PFDN2: variants seen among roughly 807,000 people sequenced by gnomAD.
The protein encoded by PFDN2 is prefoldin 2.
In PFDN2, 7 loss-of-function variants were observed where a neutral mutation model predicts 18.3. The ratio of observed to expected loss-of-function variants is 0.38; its 90% confidence interval spans 0.22 to 0.72. PFDN2 has a LOEUF of 0.72. PFDN2 is among the 30% of genes least tolerant of loss of function. The probability of loss-of-function intolerance (pLI) is 0.47; values close to 1 mark genes in which losing one functional copy is unlikely to be tolerated. For missense variants in PFDN2, 181 were observed against 199.1 expected (o/e 0.91, Z 0.55); for synonymous variants, 76 against 75.0 (o/e 1.01, Z -0.07).
chr1:161,115,789 G>GA (rs1014729433), intron 1 of PFDN2, among the ~76,000 whole-genome samples: 8 of 152,142 alleles, frequency 5.3e-5, no homozygotes, highest in African/African-American at 1.7e-4. Context: ...ATAGGTATGA[G>GA]AAAAAACATA....
At chr1:161,116,015 G>T (rs116856562) in intron 1 of PFDN2, among the ~76,000 whole-genome samples, 2,830 of 152,234 alleles carry the variant, frequency 0.019, 36 homozygotes, top group African/African-American at 0.022. Flanking sequence ...CTGAGGCCAG[G>T]AGTTCAAGAC....
At chr1:161,105,462 TTTC>T (rs755641544) in intron 1 of PFDN2, among the ~76,000 whole-genome samples, 28 of 151,942 alleles carry the variant, frequency 1.8e-4, no homozygotes, top group Non-Finnish European at 7.4e-5. Context: ...TTTCTTTTCT[TTTC>T]TTTTTTTTTC....
chr1:161,105,924 G>A lies in PFDN2; in HGVS notation c.76-3549C>T, dbSNP rs1451242533. On this transcript the variant is annotated intron_variant, in intron 1 of 3. Transcript: ENST00000368010. Reference sequence around the variant, plus strand: ...AATTTCAGCCATAAGTGCACTTAAAGGAAATGAAATCTCTTAGCAGCTGAT... The same window carrying A: ...AATTTCAGCCATAAGTGCACTTAAAAGAAATGAAATCTCTTAGCAGCTGAT... 2.0e-5 allele frequency among the ~76,000 whole-genome samples: 3 copies of A among 152,154 alleles called. No homozygotes were observed. The East Asian group carries it at 5.8e-4, about 29-fold the overall frequency.
At chr1:161,108,082 T>C (rs1449210381) in intron 1 of PFDN2, among the ~76,000 whole-genome samples, 1 of 137,408 alleles carries the variant, frequency 7.3e-6, no homozygotes, top group Non-Finnish European at 1.5e-5. Context: ...ACCACTGCAC[T>C]CCAACCTAGG....
At position 161,117,984 on chromosome 1, in the gene PFDN2, C is replaced by G. The variant is rs758959211; in HGVS notation, c.43G>C (p.Gly15Arg). 9 of 1,612,764 alleles carry G rather than the reference C, an allele frequency of 5.6e-6. No individual in the cohort carries two copies. Among genetic ancestry groups the G allele is most frequent in the Non-Finnish European group, 6.8e-6 (8 of 1,179,558 alleles). ...GCGGACACCGCCCCCTTCCCCGCGC[C>G]GCTCCCGCTGCTCTTGCCGGCGCGA... ...SGRAGKSSGSGAGKGAVSAEQ... is the reference protein window; with the variant it reads ...SGRAGKSSGSRAGKGAVSAEQ... Residue 15 changes from glycine (G) to arginine (R), a missense_variant, in exon 1 of 4, where the codon GGC (glycine) becomes CGC (arginine). Coordinates refer to ENST00000368010, the MANE Select transcript of PFDN2 (RefSeq NM_012394.4).
Position 161,102,348 on chromosome 1 carries a change from G to T in PFDN2, c.103C>A (p.Gln35Lys). 6.2e-7 allele frequency: 1 copy of T among 1,614,140 alleles called. No homozygotes were observed. Among genetic ancestry groups the T allele is most frequent in the Non-Finnish European group, 8.5e-7 (1 of 1,179,984 alleles). The part of the protein sequence containing the change: ...QVIAGFNRLR[Q>K]EQRGLASKAA... ...TTGGATGCCAGGCCTCGCTGTTCCT[G>T]CCGAAGGCGGTTGAAGCCAGCAATC... Residue 35 changes from glutamine to lysine, a missense_variant, in exon 2 of 4, where the codon CAG becomes AAG. Coordinates refer to ENST00000368010, the MANE Select transcript of PFDN2 (RefSeq NM_012394.4).
intron 1 of PFDN2, among the ~76,000 whole-genome samples, chr1:161,110,167 C>A (rs1377459487): frequency 6.6e-6 from 1 of 152,014 alleles, no homozygotes; most frequent in African/African-American, 2.4e-5. Context: ...CGAGACCAGC[C>A]TGGCCAACAT....
At chr1:161,116,852 ACT>A (rs977039423) in intron 1 of PFDN2, among the ~76,000 whole-genome samples, 13 of 152,224 alleles carry the variant, frequency 8.5e-5, no homozygotes, top group Non-Finnish European at 1.5e-4. Flanking sequence ...ACAGAGCGAA[ACT>A]CTGTCTCAAA....
At position 161,109,704 on chromosome 1, in the gene PFDN2, T is replaced by C. The variant is rs192828994; in HGVS notation, c.76-7329A>G. On this transcript the variant is annotated intron_variant, in intron 1 of 3. Coordinates refer to ENST00000368010, the MANE Select transcript of PFDN2 (RefSeq NM_012394.4). ...GTGTTGTGTGGTGGTCAAAATAACA[T>C]AGTGTGGATCCAGGCACGGTGGCTC... 6.6e-5 allele frequency among the ~76,000 whole-genome samples: 10 copies of C among 152,224 alleles called. No homozygotes were observed. In the East Asian group the frequency reaches 1.9e-3, roughly 29 times the overall value.
At chr1:161,113,517 A>T (rs1654850016) in intron 1 of PFDN2, among the ~76,000 whole-genome samples, 1 of 152,236 alleles carries the variant, frequency 6.6e-6, no homozygotes, top group African/African-American at 2.4e-5. Flanking sequence ...GGCTCAGCTC[A>T]TGCCTGTAAT....
At chr1:161,114,893 T>C (rs778252027) in intron 1 of PFDN2, among the ~76,000 whole-genome samples, 5 of 152,186 alleles carry the variant, frequency 3.3e-5, no homozygotes, top group Admixed American at 6.5e-5. Context: ...AATGAAGGGA[T>C]TGTGCAGCAC....
Position 161,105,550 on chromosome 1 carries a change from C to T in PFDN2, c.76-3175G>A, listed in dbSNP as rs187810828. On this transcript the variant is annotated intron_variant, in intron 1 of 3. Coordinates refer to ENST00000368010, the MANE Select transcript of PFDN2 (RefSeq NM_012394.4). Reference sequence around the variant, plus strand: ...TCAGCTCATTGCAACCTCCGCCTCCCGGGTTCAAGCGATTCTCCTGCCTCA... The same window carrying T: ...TCAGCTCATTGCAACCTCCGCCTCCTGGGTTCAAGCGATTCTCCTGCCTCA... Among the ~76,000 whole-genome samples, 193 of 149,270 alleles carry T rather than the reference C, an allele frequency of 1.3e-3. 1 individual carries two copies. In the South Asian group the frequency reaches 0.015, roughly 12 times the overall value.
chr1:161,104,437 TTTTC>T (rs923493649), intron 1 of PFDN2, among the ~76,000 whole-genome samples: 18 of 151,430 alleles, frequency 1.2e-4, no homozygotes, highest in East Asian at 1.9e-4. Flanking sequence ...CTTTTTTTCT[TTTTC>T]TTTTTCTTTT....
At chr1:161,101,437 G>A (rs1027544851) in intron 3 of PFDN2, among the ~76,000 whole-genome samples, 1 of 151,564 alleles carries the variant, frequency 6.6e-6, no homozygotes. Context: ...CTGACCTCGT[G>A]ATCCGCCCGC....
intron 1 of PFDN2, among the ~76,000 whole-genome samples, chr1:161,117,368 T>C (rs1654979889): frequency 6.6e-6 from 1 of 152,220 alleles, no homozygotes. Context: ...AATTAACTTA[T>C]CAAACGCTTC....
intron 1 of PFDN2, among the ~76,000 whole-genome samples, chr1:161,114,165 T>C (rs1024090458): frequency 7.2e-5 from 11 of 152,234 alleles, no homozygotes; most frequent in Non-Finnish European, 1.6e-4. Flanking sequence ...GATTTCTTAC[T>C]GTATCTCAAG....
intron 1 of PFDN2, among the ~76,000 whole-genome samples, chr1:161,111,074 T>C (rs1654798449): frequency 6.6e-6 from 1 of 152,080 alleles, no homozygotes; most frequent in Middle Eastern, 3.4e-3. Flanking sequence ...TCTCCTGACC[T>C]TGTGATCCGC....
chr1:161,114,287 C>G (rs1654864102), intron 1 of PFDN2, among the ~76,000 whole-genome samples: 1 of 152,214 alleles, frequency 6.6e-6, no homozygotes, highest in Non-Finnish European at 1.5e-5. Flanking sequence ...TGTCTTCCTA[C>G]ATTCCTTATG....
intron 1 of PFDN2, among the ~76,000 whole-genome samples, chr1:161,110,165 G>A (rs1654776137): frequency 6.6e-6 from 1 of 151,946 alleles, no homozygotes; most frequent in Non-Finnish European, 1.5e-5. Flanking sequence ...TTCGAGACCA[G>A]CCTGGCCAAC....
Sources: allele counts gnomAD v4.1 joint callset (sites outside exome capture counted in the v4.1 genomes callset), GRCh38; gene constraint gnomAD v4.1.1; transcripts MANE v1.5; gene names NCBI Gene and HGNC (gene_info 2026-07-23, HGNC 2026-07-21).